The following ADCY2 variants were observed in gnomAD, a reference collection of about 807,000 sequenced individuals.
ADCY2 encodes the protein adenylate cyclase type 2.
A neutral mutation model predicts 125.2 loss-of-function variants in ADCY2; 31 were observed. The observed-to-expected ratio is 0.25, with a 90% CI of 0.19 to 0.33. The LOEUF (loss-of-function observed/expected upper bound fraction) is 0.33, where lower values mean the gene tolerates loss of function less well. ADCY2 is among the 10% of genes least tolerant of loss of function. The probability of loss-of-function intolerance (pLI) is 1.00; values close to 1 mark genes in which losing one functional copy is unlikely to be tolerated. For synonymous variants in ADCY2, 512 were observed against 548.4 expected, an observed-to-expected ratio of 0.93 and a Z score of 0.93; for missense variants, 904 against 1,418.2, an observed-to-expected ratio of 0.64 and a Z score of 5.82.
intron 18 of ADCY2, among the ~76,000 whole-genome samples, chr5:7,781,853 A>G (rs570582117): frequency 7.2e-4 from 110 of 152,266 alleles, no homozygotes; most frequent in African/African-American, 2.6e-3. Flanking sequence ...ACAAAGAGTG[A>G]GGTGATCTAG....
intron 2 of ADCY2, among the ~76,000 whole-genome samples, chr5:7,458,267 T>C (rs1263217676): frequency 6.6e-6 from 1 of 152,226 alleles, no homozygotes; most frequent in African/African-American, 2.4e-5. Flanking sequence ...GTCCTTTATC[T>C]TATTTACAAA....
intron 24 of ADCY2, among the ~76,000 whole-genome samples, chr5:7,825,568 G>A (rs956895036): frequency 6.6e-6 from 1 of 152,220 alleles, no homozygotes; most frequent in Non-Finnish European, 1.5e-5. Flanking sequence ...TTGCTCCTTT[G>A]TGCCTTTTTC....
At chr5:7,406,820 C>G (rs1739505837) in intron 1 of ADCY2, among the ~76,000 whole-genome samples, 1 of 152,124 alleles carries the variant, frequency 6.6e-6, no homozygotes, top group African/African-American at 2.4e-5. Flanking sequence ...CTCGTAATGT[C>G]AATAGTCACA....
At chr5:7,754,383 T>A (rs1209114767) in intron 15 of ADCY2, among the ~76,000 whole-genome samples, 1 of 152,258 alleles carries the variant, frequency 6.6e-6, no homozygotes, top group African/African-American at 2.4e-5. Context: ...CTTAGCTAGA[T>A]GTACATTTTC....
intron 3 of ADCY2, among the ~76,000 whole-genome samples, chr5:7,525,883 C>T (rs1734442013): frequency 6.6e-6 from 1 of 152,188 alleles, no homozygotes; most frequent in African/African-American, 2.4e-5. Context: ...CCATCCCCTC[C>T]TCATGCACAG....
chr5:7,770,745 A>G (rs770966869), intron 17 of ADCY2, among the ~76,000 whole-genome samples: 16 of 152,192 alleles, frequency 1.1e-4, no homozygotes, highest in Admixed American at 3.3e-4. Context: ...CTGGGTTTGA[A>G]GGAGCAGTTT....
chr5:7,409,778 G>A (rs1214025722), intron 1 of ADCY2, among the ~76,000 whole-genome samples: 1 of 152,122 alleles, frequency 6.6e-6, no homozygotes, highest in Admixed American at 6.5e-5. Context: ...AGCTGAAATT[G>A]TCTGCTCTTA....
At chr5:7,411,857 C>T (rs1739729677) in intron 1 of ADCY2, among the ~76,000 whole-genome samples, 1 of 152,060 alleles carries the variant, frequency 6.6e-6, no homozygotes, top group Non-Finnish European at 1.5e-5. Context: ...GGGCGGATCA[C>T]GAGGTCAGGA....
chr5:7,709,237 C>T lies in ADCY2; in HGVS notation c.1428C>T (p.Leu476=). ...PKGERRSPQH[L]FRPRHTLDGA... is the part of the protein sequence containing the mutation. ...GAGAACGACGGAGCCCCCAGCATCT[C>T]TTCAGACCTCGCCACACCCTTGATG... The change falls in exon 10 of 25, where the codon CTC becomes CTT. Residue 476 remains leucine (L), a synonymous_variant. Transcript: ENST00000338316. The surrounding 1 kb of genome is among the most constrained non-coding windows in gnomAD (Gnocchi z 4.4). The T allele has an allele frequency of 6.2e-7, 1 of 1,613,292 alleles. No individual in the cohort carries two copies. The highest frequency in any genetic ancestry group is 1.3e-5 in the African/African-American group (1 of 75,006).
In ADCY2 at chr5:7,582,197, T is replaced by C. The variant is rs10069344; in HGVS notation, c.571-43970T>C. ...TTACAATAATATCATTCTGCATTCA[T>C]TAGGAGGACATAACAGTCGTGAACA... On this transcript the variant is annotated intron_variant, in intron 3 of 24. Transcript: ENST00000338316. 4.5e-3 allele frequency among the ~76,000 whole-genome samples: 684 copies of C among 152,234 alleles called. 2 individuals carry two copies. The highest frequency in any genetic ancestry group is 0.015 in the African/African-American group (637 of 41,546).
intron 2 of ADCY2, among the ~76,000 whole-genome samples, chr5:7,513,763 C>T (rs548213574): frequency 6.6e-6 from 1 of 152,314 alleles, no homozygotes; most frequent in Admixed American, 6.5e-5. Context: ...GGTATAATTC[C>T]TGTGGTTTTT....
intron 4 of ADCY2, among the ~76,000 whole-genome samples, chr5:7,654,458 A>G (rs1345107938): frequency 1.3e-5 from 2 of 152,124 alleles, no homozygotes; most frequent in Non-Finnish European, 2.9e-5. Context: ...AGGCTGTTGG[A>G]GCGACATCCT....
intron 22 of ADCY2, among the ~76,000 whole-genome samples, chr5:7,814,034 A>T (rs1458463727): frequency 1.3e-5 from 2 of 152,048 alleles, no homozygotes; most frequent in Admixed American, 6.5e-5. Flanking sequence ...AAAAAAAAAA[A>T]TACTAGTGAG....
At chr5:7,735,596 T>C (rs1742224647) in intron 14 of ADCY2, among the ~76,000 whole-genome samples, 1 of 152,222 alleles carries the variant, frequency 6.6e-6, no homozygotes, top group Non-Finnish European at 1.5e-5. Flanking sequence ...TGTTTTTTCT[T>C]CTATTCTATT....
chr5:7,591,867 C>A (rs1254273668), intron 3 of ADCY2, among the ~76,000 whole-genome samples: 1 of 152,152 alleles, frequency 6.6e-6, no homozygotes, highest in Non-Finnish European at 1.5e-5. Flanking sequence ...GCTGGTGAGA[C>A]TGGGTTTCTG....
At chr5:7,807,944 G>T (rs1379998803) in intron 22 of ADCY2, among the ~76,000 whole-genome samples, 1 of 152,184 alleles carries the variant, frequency 6.6e-6, no homozygotes, top group Non-Finnish European at 1.5e-5. Flanking sequence ...ACCACCTGTG[G>T]TGGTTGTTAC....
At chr5:7,410,274 G>A (rs902191203) in intron 1 of ADCY2, among the ~76,000 whole-genome samples, 4 of 151,806 alleles carry the variant, frequency 2.6e-5, no homozygotes, top group Non-Finnish European at 4.4e-5. Context: ...AAATAGAAAG[G>A]CAGTATTTTA....
intron 22 of ADCY2, among the ~76,000 whole-genome samples, chr5:7,808,753 GTATC>G (rs1294397704): frequency 6.6e-6 from 1 of 152,036 alleles, no homozygotes; most frequent in East Asian, 1.9e-4. Flanking sequence ...CCCTACATTT[GTATC>G]TATCCTATTC....
At chr5:7,814,929 C>A (rs939347677) in intron 22 of ADCY2, among the ~76,000 whole-genome samples, 1 of 152,190 alleles carries the variant, frequency 6.6e-6, no homozygotes, top group African/African-American at 2.4e-5. Flanking sequence ...TGTTTTCCAG[C>A]GTGCCTTGCT....
Sources: allele counts gnomAD v4.1 joint callset (sites outside exome capture counted in the v4.1 genomes callset), GRCh38; gene constraint gnomAD v4.1.1; non-coding constraint Gnocchi (gnomAD v3.1); transcripts MANE v1.5; gene names NCBI Gene and HGNC (gene_info 2026-07-23, HGNC 2026-07-21).